Variants in ABTB3 observed in about 807,000 individuals in gnomAD.
The protein encoded by ABTB3 is ankyrin repeat- and BTB/POZ domain-containing protein 3.
At chr12:107,607,720 C>T in the ABTB3 span, among the ~76,000 whole-genome samples, 2 of 152,210 alleles carry the variant, frequency 1.3e-5, no homozygotes. Flanking sequence ...GCAAACGCTT[C>T]ATGTCTTGCA....
chr12:107,350,843 G>A, the ABTB3 span, among the ~76,000 whole-genome samples: 3 of 152,182 alleles, frequency 2.0e-5, no homozygotes, highest in Non-Finnish European at 4.4e-5. Context: ...TCCCAGAGAT[G>A]GCAAGGGAAT....
chr12:107,524,033 T>G, the ABTB3 span, among the ~76,000 whole-genome samples: 2 of 152,200 alleles, frequency 1.3e-5, no homozygotes, highest in African/African-American at 4.8e-5. Context: ...AGAAAGGATT[T>G]GCTAAACAAA....
the ABTB3 span, among the ~76,000 whole-genome samples, chr12:107,372,711 C>T: frequency 1.6e-4 from 25 of 152,304 alleles, no homozygotes; most frequent in South Asian, 1.9e-3. Context: ...TGCTTCCCTC[C>T]GGGCTTTTCT....
chr12:107,326,605 C>A, the ABTB3 span, among the ~76,000 whole-genome samples: 1 of 152,154 alleles, frequency 6.6e-6, no homozygotes, highest in African/African-American at 2.4e-5. Flanking sequence ...AAGGGAGGAA[C>A]CCACATTTTT....
chr12:107,357,504 A>G, the ABTB3 span, among the ~76,000 whole-genome samples: 2 of 152,186 alleles, frequency 1.3e-5, no homozygotes, highest in Admixed American at 1.3e-4. Flanking sequence ...TCAGCTACTC[A>G]GGAGGCTGGG....
the ABTB3 span, among the ~76,000 whole-genome samples, chr12:107,427,000 C>T: frequency 5.7e-3 from 874 of 152,294 alleles, 12 homozygotes; most frequent in African/African-American, 0.02. Flanking sequence ...TATTAGTTGT[C>T]CTGTTGCTGC....
At chr12:107,581,903 G>A in the ABTB3 span, among the ~76,000 whole-genome samples, 1 of 152,198 alleles carries the variant, frequency 6.6e-6, no homozygotes, top group Admixed American at 6.5e-5. Flanking sequence ...CAGAAACCCA[G>A]TGGGGCGTGT....
the ABTB3 span, among the ~76,000 whole-genome samples, chr12:107,428,390 G>C: frequency 8.5e-5 from 13 of 152,054 alleles, no homozygotes; most frequent in East Asian, 1.4e-3. Context: ...GGATGTCCTC[G>C]GGCCCCTGGA....
the ABTB3 span, among the ~76,000 whole-genome samples, chr12:107,648,681 A>G: frequency 6.6e-6 from 1 of 152,156 alleles, no homozygotes; most frequent in Non-Finnish European, 1.5e-5. Context: ...AGCTAGGCAC[A>G]TTGTAATAAG....
chr12:107,570,310 G>T, the ABTB3 span, among the ~76,000 whole-genome samples: 1 of 152,168 alleles, frequency 6.6e-6, no homozygotes, highest in Non-Finnish European at 1.5e-5. Context: ...TGCCTCCCGG[G>T]TTCAAGCGAT....
At chr12:107,387,009 C>T in the ABTB3 span, among the ~76,000 whole-genome samples, 994 of 149,018 alleles carry the variant, frequency 6.7e-3, 15 homozygotes, top group African/African-American at 0.021. Flanking sequence ...CAGAGTTTCG[C>T]TCTTATTGCC....
chr12:107,469,944 CT>C, the ABTB3 span, among the ~76,000 whole-genome samples: 2 of 35,602 alleles, frequency 5.6e-5, no homozygotes, highest in Non-Finnish European at 1.1e-4. Context: ...CTTTCTTTCT[CT>C]TTCTTTCTTT....
the ABTB3 span, among the ~76,000 whole-genome samples, chr12:107,450,426 T>G: frequency 2.0e-5 from 3 of 152,190 alleles, no homozygotes; most frequent in South Asian, 6.2e-4. Flanking sequence ...CTCGATGGAG[T>G]GCAGAAGCTT....
At chr12:107,415,045 C>T in the ABTB3 span, among the ~76,000 whole-genome samples, 6 of 152,110 alleles carry the variant, frequency 3.9e-5, no homozygotes, top group Non-Finnish European at 7.4e-5. Flanking sequence ...GCAGACTACA[C>T]TCCCACCTCA....
chr12:107,413,440 TGTTGGATATTATTCATCCA>T, the ABTB3 span, among the ~76,000 whole-genome samples: 5 of 152,306 alleles, frequency 3.3e-5, no homozygotes, highest in South Asian at 1.0e-3. Flanking sequence ...TCACGCTTAC[TGTTGGATATTATTCATCCA>T]AGCAGGACAC....
the ABTB3 span, among the ~76,000 whole-genome samples, chr12:107,387,969 C>CT: frequency 1.5e-5 from 2 of 133,216 alleles, no homozygotes; most frequent in African/African-American, 2.9e-5. Flanking sequence ...TCTTCTTCTT[C>CT]TTCTTTTTTT....
the ABTB3 span, among the ~76,000 whole-genome samples, chr12:107,524,956 C>G: frequency 3.3e-5 from 5 of 152,112 alleles, no homozygotes; most frequent in Non-Finnish European, 7.4e-5. Flanking sequence ...TTACCAATAC[C>G]TCCCCAAATA....
the ABTB3 span, among the ~76,000 whole-genome samples, chr12:107,632,224 G>A: frequency 6.6e-6 from 1 of 152,028 alleles, no homozygotes; most frequent in African/African-American, 2.4e-5. Context: ...AACCACCACC[G>A]CTGTCCGCCA....
At chr12:107,584,908 C>A in the ABTB3 span, among the ~76,000 whole-genome samples, 2 of 152,116 alleles carry the variant, frequency 1.3e-5, no homozygotes, top group Admixed American at 6.5e-5. Context: ...CAGTGGTGAC[C>A]CATTTATTCT....
Sources: gnomAD v4.1 joint callset for allele counts (sites outside exome capture counted in the v4.1 genomes callset) on GRCh38, gnomAD v4.1.1 for gene constraint, MANE v1.5 for transcripts, NCBI Gene and HGNC (gene_info 2026-07-23, HGNC 2026-07-21) for gene names.